Variants in MAP3K13 observed in about 807,000 individuals in gnomAD.
MAP3K13 encodes the protein mitogen-activated protein kinase kinase kinase 13, also known as leucine zipper-bearing kinase.
A neutral mutation model predicts 104.0 loss-of-function variants in MAP3K13; 52 were observed. That is an observed-to-expected ratio of 0.50 (90% CI 0.40 to 0.63). The LOEUF is 0.63. MAP3K13 is among the 20% of genes least tolerant of loss of function. The pLI is 0.00. For synonymous variants in MAP3K13, 394 were observed against 442.2 expected (o/e 0.89, Z 1.37); for missense variants, 914 against 1,218.5 (o/e 0.75, Z 3.72).
In MAP3K13 at chr3:185,392,886, A is replaced by T. The variant is rs188061768; in HGVS notation, c.-86+29518A>T. ...CAACATGATGAAACCCTGTCTCTAT[A>T]AAAAAAAATACAAAAATTAGCTAGG... On this transcript the variant is annotated intron_variant, in intron 1 of 13. Transcript: ENST00000265026. Among the ~76,000 whole-genome samples, 765 of 150,448 alleles carry T rather than the reference A, an allele frequency of 5.1e-3. 8 individuals carry two copies. The highest frequency in any genetic ancestry group is 0.017 in the African/African-American group (704 of 41,050).
chr3:185,463,150 G>A (rs1341944158), intron 7 of MAP3K13, among the ~76,000 whole-genome samples: 1 of 152,164 alleles, frequency 6.6e-6, no homozygotes, highest in Non-Finnish European at 1.5e-5. Flanking sequence ...AAAGATGTTC[G>A]TAATCTCACA....
At position 185,466,918 on chromosome 3, in the gene MAP3K13, T is replaced by C. The variant is rs1717470847; in HGVS notation, c.1598T>C (p.Met533Thr). The change falls in exon 10 of 14, where the codon ATG (methionine) becomes ACG (threonine). Residue 533 changes from methionine to threonine, a missense_variant. Coordinates refer to ENST00000265026, the MANE Select transcript of MAP3K13 (RefSeq NM_004721.5). ...CATCCCAATGCCATGGAGAAACTCA[T>C]GAAAAGGAAAGGAGTGCCTCACAAA... ...IIHPNAMEKL[M>T]KRKGVPHKSG... is the part of the protein sequence containing the mutation. 4 of 1,613,706 alleles carry C rather than the reference T, an allele frequency of 2.5e-6. No homozygotes were observed. Among genetic ancestry groups the C allele is most frequent in the Admixed American group, 1.7e-5 (1 of 59,980 alleles).
chr3:185,401,200 G>A (rs960374430), intron 1 of MAP3K13, among the ~76,000 whole-genome samples: 1 of 152,174 alleles, frequency 6.6e-6, no homozygotes, highest in African/African-American at 2.4e-5. Context: ...GGATGAAGCA[G>A]CCCTAAGCCT....
chr3:185,339,999 T>A (rs1049574800), intron 2 of MAP3K13, among the ~76,000 whole-genome samples: 5 of 152,266 alleles, frequency 3.3e-5, no homozygotes, highest in Admixed American at 3.3e-4. Flanking sequence ...CTTTTCCTTT[T>A]TTTTTTTGTC....
chr3:185,285,527 C>T, exon 2 of MAP3K13: 1 of 1,184,870 alleles, frequency 8.4e-7, no homozygotes, highest in Non-Finnish European at 1.2e-6. Flanking sequence ...TTTTGCAGAA[C>T]ACTGAAATCT....
At chr3:185,403,842 C>T (rs1712956511) in intron 1 of MAP3K13, among the ~76,000 whole-genome samples, 1 of 152,182 alleles carries the variant, frequency 6.6e-6, no homozygotes, top group Non-Finnish European at 1.5e-5. Context: ...TTATTTATAT[C>T]TTTCTTTAAA....
chr3:185,417,797 G>A lies in MAP3K13; in HGVS notation c.-85-10700G>A, dbSNP rs1713871949. ...CGCATGGTCTTTGCATATGGGTTTA[G>A]CTTCAACATGATTCTCAAGTTTTTC... On this transcript the variant is annotated intron_variant, in intron 1 of 13. Coordinates refer to ENST00000265026, the MANE Select transcript of MAP3K13 (RefSeq NM_004721.5). 2.5e-6 allele frequency: 4 copies of A among 1,611,924 alleles called. No homozygotes were observed. In the East Asian group the frequency reaches 8.9e-5, roughly 36 times the overall value.
chr3:185,293,717 G>T (rs1720824812), intron 2 of MAP3K13, among the ~76,000 whole-genome samples: 1 of 152,162 alleles, frequency 6.6e-6, no homozygotes, highest in Non-Finnish European at 1.5e-5. Context: ...GAGCCACTGT[G>T]CCCGCCCATC....
intron 2 of MAP3K13, among the ~76,000 whole-genome samples, chr3:185,435,334 A>AC (rs1285311699): frequency 1.3e-5 from 2 of 151,886 alleles, no homozygotes; most frequent in African/African-American, 4.8e-5. Context: ...TTGTCACTGG[A>AC]CCCCTAATGA....
chr3:185,426,301 C>T (rs557332356), intron 1 of MAP3K13, among the ~76,000 whole-genome samples: 5 of 152,212 alleles, frequency 3.3e-5, no homozygotes, highest in African/African-American at 4.8e-5. Flanking sequence ...AGACTGGTCT[C>T]GAACTCCTGA....
intron 7 of MAP3K13, among the ~76,000 whole-genome samples, chr3:185,461,236 A>G (rs1227346657): frequency 6.6e-6 from 1 of 152,204 alleles, no homozygotes; most frequent in East Asian, 1.9e-4. Context: ...TGGTATGGCC[A>G]TAGACTGCAG....
chr3:185,447,749 A>G lies in MAP3K13; in HGVS notation c.852-40A>G, dbSNP rs537822724. The stretch of plus-strand genomic sequence containing the variant: ...ATTTAGAATCATGGTTTTCGTTAGT[A>G]CTAATGATCCAGATGTTTTCTTTTT... On this transcript the variant is annotated intron_variant, in intron 4 of 13. Transcript: ENST00000265026. The G allele has an allele frequency of 6.0e-6, 9 of 1,493,902 alleles. No individual in the cohort carries two copies. The South Asian group carries it at 1.0e-4, about 17-fold the overall frequency. The allele number at this position is 1,493,902 out of a possible 1,614,324, so 92.5% of individuals were successfully genotyped here. A position where few individuals can be genotyped will look rare whatever the true frequency, so the allele number is the denominator to read the frequency against.
At chr3:185,368,092 C>T (rs1319357964) in intron 1 of MAP3K13, among the ~76,000 whole-genome samples, 2 of 152,144 alleles carry the variant, frequency 1.3e-5, no homozygotes, top group Admixed American at 1.3e-4. Context: ...ACCCAGGAGG[C>T]AGAGGTTGCA....
chr3:185,472,205 C>CTTTT (rs568380003), intron 10 of MAP3K13, among the ~76,000 whole-genome samples: 125 of 118,584 alleles, frequency 1.1e-3, no homozygotes, highest in Non-Finnish European at 1.4e-3. Flanking sequence ...ATCCCTTCTT[C>CTTTT]TTTTTTTTTT....
chr3:185,436,470 A>G (rs1715033901), intron 2 of MAP3K13, among the ~76,000 whole-genome samples: 1 of 152,206 alleles, frequency 6.6e-6, no homozygotes, highest in Non-Finnish European at 1.5e-5. Context: ...TTCTAGGCCC[A>G]GTTCTACCAG....
chr3:185,285,185 C>G (rs924817278), intron 1 of MAP3K13, among the ~76,000 whole-genome samples: 2 of 152,244 alleles, frequency 1.3e-5, no homozygotes, highest in East Asian at 3.9e-4. Flanking sequence ...TTTACATACC[C>G]TTAAACCTTG....
intron 2 of MAP3K13, among the ~76,000 whole-genome samples, chr3:185,288,747 A>C (rs2108670134): frequency 6.6e-6 from 1 of 152,280 alleles, no homozygotes. Context: ...CCTAAGTGAG[A>C]AAATTAAAAT....
At chr3:185,310,885 T>C (rs751145350) in intron 2 of MAP3K13, among the ~76,000 whole-genome samples, 11 of 152,258 alleles carry the variant, frequency 7.2e-5, no homozygotes, top group Non-Finnish European at 1.5e-4. Context: ...AGTGCTTCTC[T>C]GTTCTTGCTG....
chr3:185,416,642 T>C (rs1266291795), intron 1 of MAP3K13, among the ~76,000 whole-genome samples: 5 of 152,098 alleles, frequency 3.3e-5, no homozygotes. Context: ...AATAGCACTA[T>C]TTTTTTGAGA....
Sources: allele counts gnomAD v4.1 joint callset (sites outside exome capture counted in the v4.1 genomes callset), GRCh38; gene constraint gnomAD v4.1.1; transcripts MANE v1.5; gene names NCBI Gene and HGNC (gene_info 2026-07-23, HGNC 2026-07-21).